Variants in CD36 observed in about 807,000 individuals in gnomAD.
CD36 encodes CD36 molecule (CD36 blood group).
Under a neutral mutation model 55.2 loss-of-function variants are expected in CD36, and 119 were observed. The ratio of observed to expected loss-of-function variants is 2.15; its 90% CI spans 1.86 to 2.51. CD36 has a LOEUF of 2.51. Ranked by LOEUF, CD36 falls within the 30% of genes most tolerant of loss-of-function variation. The probability of loss-of-function intolerance (pLI) is 0.00; values close to 1 mark genes in which losing one functional copy is unlikely to be tolerated. For missense variants in CD36, 819 were observed against 555.5 expected, an observed-to-expected ratio of 1.47 and a Z score of -4.77; for synonymous variants, 186 against 193.6, an observed-to-expected ratio of 0.96 and a Z score of 0.33.
intron 7 of CD36, among the ~76,000 whole-genome samples, chr7:80,664,835 A>T (rs900575508): frequency 1.6e-5 from 2 of 128,324 alleles, no homozygotes; most frequent in Non-Finnish European, 3.4e-5. Context: ...ACAATTAGAT[A>T]ACCATAAATG....
chr7:80,615,694 G>A (rs965866827), intron 1 of CD36, among the ~76,000 whole-genome samples: 3 of 152,130 alleles, frequency 2.0e-5, no homozygotes, highest in African/African-American at 2.4e-5. Context: ...TCTTTAGTAC[G>A]TTTCCTTTCT....
At chr7:80,673,595 G>A (rs1017396451) in intron 13 of CD36, 186 bp downstream of exon 13, 5 of 573,716 alleles carry the variant, frequency 8.7e-6, no homozygotes, top group Non-Finnish European at 1.3e-5. Context: ...TATCATTTAA[G>A]ATTTTCTTCA....
intron 1 of CD36, among the ~76,000 whole-genome samples, chr7:80,603,772 A>AAAAAAAAG (rs541130156): frequency 1.2e-4 from 17 of 140,996 alleles, no homozygotes; most frequent in South Asian, 8.7e-4. Flanking sequence ...AGTCAGGCAA[A>AAAAAAAAG]AAAAAAAAAA....
Position 80,672,736 on chromosome 7 carries a change from A to G in CD36, c.1126-34A>G, listed in dbSNP as rs1383297605. 3.5e-6 allele frequency: 5 copies of G among 1,424,906 alleles called. No individual in the cohort carries two copies. The African/African-American group carries it at 5.7e-5, about 16-fold the overall frequency. 88.3% of individuals were successfully genotyped at this position (1,424,906 alleles called of 1,614,324 possible). On this transcript the variant is annotated intron_variant, in intron 11 of 14. Coordinates refer to ENST00000447544, the MANE Select transcript of CD36 (RefSeq NM_001001548.3). ...TGAATAGTATAAAATAATGTTTTTA[A>G]AAGTTGGTAATTATTTAGTTGTTCT... is the stretch of plus-strand genomic sequence containing the variant.
At chr7:80,670,273 C>A in intron 9 of CD36, 2 of 474,732 alleles carry the variant, frequency 4.2e-6, no homozygotes, top group South Asian at 2.2e-5. Flanking sequence ...TCCAGAAGGG[C>A]GTGCCCAATC....
exon 1 of CD36, chr7:80,602,243 G>A (rs891700882): frequency 3.3e-5 from 5 of 152,144 alleles, no homozygotes; most frequent in African/African-American, 1.2e-4. Context: ...ATGAAGGGTT[G>A]AGAGCCTGTG....
At chr7:80,662,889 T>G (rs1199871959) in intron 5 of CD36, 101 bp from the exon 6 acceptor site, 8 of 956,994 alleles carry the variant, frequency 8.4e-6, no homozygotes, top group Non-Finnish European at 1.3e-5. Flanking sequence ...AAGATAAGCT[T>G]TAAAAAGTTT....
At chr7:80,659,439 T>C (rs562069290) in intron 4 of CD36, among the ~76,000 whole-genome samples, 2 of 152,316 alleles carry the variant, frequency 1.3e-5, no homozygotes, top group African/African-American at 2.4e-5. Flanking sequence ...CAGAATATTC[T>C]TAGATCTGTA....
At chr7:80,626,626 A>G (rs1371305794) in intron 1 of CD36, among the ~76,000 whole-genome samples, 2 of 152,126 alleles carry the variant, frequency 1.3e-5, no homozygotes, top group Non-Finnish European at 2.9e-5. Context: ...TACAAACTTC[A>G]TATATAATTG....
chr7:80,617,241 C>T (rs1239133901), intron 1 of CD36, among the ~76,000 whole-genome samples: 1 of 151,984 alleles, frequency 6.6e-6, no homozygotes, highest in Non-Finnish European at 1.5e-5. Flanking sequence ...AGAGGGTAGA[C>T]AGTGGAGGGA....
At chr7:80,606,403 G>C (rs1792552282) in intron 1 of CD36, among the ~76,000 whole-genome samples, 1 of 152,030 alleles carries the variant, frequency 6.6e-6, no homozygotes, top group Non-Finnish European at 1.5e-5. Context: ...CTCACAAAAT[G>C]AATTATGGGA....
chr7:80,630,928 A>C (rs1463090553), intron 1 of CD36, among the ~76,000 whole-genome samples: 1 of 152,058 alleles, frequency 6.6e-6, no homozygotes, highest in African/African-American at 2.4e-5. Context: ...TAGAAAACAT[A>C]AACATTTCAG....
At chr7:80,675,039 G>C (rs1200131293) in intron 14 of CD36, among the ~76,000 whole-genome samples, 1 of 151,658 alleles carries the variant, frequency 6.6e-6, no homozygotes, top group Non-Finnish European at 1.5e-5. Flanking sequence ...ATAAATCAGT[G>C]AAAGTGGAAT....
chr7:80,677,760 A>G lies in CD36; in HGVS notation c.*1377A>G, dbSNP rs929443724. The stretch of plus-strand genomic sequence containing the variant: ...ATTGAGGCATGTAGGGCTGAGTTAT[A>G]TAATGTAGAAACTTCTAAAGATAAT... On this transcript the variant is annotated 3_prime_UTR_variant, in exon 15 of 15. Coordinates refer to ENST00000447544, the MANE Select transcript of CD36 (RefSeq NM_001001548.3). 5 of 152,204 alleles carry G rather than the reference A, an allele frequency of 3.3e-5. No homozygotes were observed. Among genetic ancestry groups the G allele is most frequent in the African/African-American group, 1.2e-4 (5 of 41,456 alleles). The allele number at this position is 152,204 out of a possible 1,614,324, so 9.4% of individuals were successfully genotyped here. A position where few individuals can be genotyped will look rare whatever the true frequency, so the allele number is the denominator to read the frequency against.
At chr7:80,658,895 A>G (rs866433143) in intron 4 of CD36, among the ~76,000 whole-genome samples, 5 of 152,174 alleles carry the variant, frequency 3.3e-5, no homozygotes, top group Admixed American at 6.6e-5. Context: ...TTTTATTCTT[A>G]AAGCCTTTAA....
chr7:80,635,433 C>G (rs7808408), upstream of CD36, among the ~76,000 whole-genome samples: 1,317 of 152,106 alleles, frequency 8.7e-3, 20 homozygotes, highest in African/African-American at 0.03. Flanking sequence ...CACCACCACA[C>G]CTGGCTAATT....
Position 80,662,623 on chromosome 7 carries a change from T to C in CD36, c.430-367T>C, listed in dbSNP as rs1880956. 8.2e-3 allele frequency: 1,906 copies of C among 232,458 alleles called. 72 individuals are homozygous for C. In the East Asian group the frequency reaches 0.085, roughly 10 times the overall value. The allele number at this position is 232,458 out of a possible 1,614,324, so 14.4% of individuals were successfully genotyped here. On this transcript the variant is annotated intron_variant, in intron 5 of 14. Transcript: ENST00000447544. The stretch of plus-strand genomic sequence containing the variant: ...TAAGTTCTGGGATACATGTGCTGAA[T>C]GTGCAGGATTGTTACATAGGTATAC...
intron 13 of CD36, 119 bp downstream of exon 13, chr7:80,673,528 A>G (rs1280844032): frequency 5.5e-6 from 4 of 726,128 alleles, no homozygotes; most frequent in Non-Finnish European, 1.0e-5. Context: ...ACCCATATGG[A>G]TGAGTATACA....
chr7:80,648,066 G>A (rs549552147), intron 3 of CD36, among the ~76,000 whole-genome samples: 30 of 152,234 alleles, frequency 2.0e-4, no homozygotes, highest in African/African-American at 7.0e-4. Context: ...CAGAACTTCA[G>A]CCTCATGCAT....
Sources: allele counts gnomAD v4.1 joint callset (sites outside exome capture counted in the v4.1 genomes callset), GRCh38; gene constraint gnomAD v4.1.1; transcripts MANE v1.5; gene names NCBI Gene and HGNC (gene_info 2026-07-23, HGNC 2026-07-21).